HPSE2: variants seen among roughly 807,000 people sequenced by gnomAD.
The protein encoded by HPSE2 is heparanase 2 (inactive), also known as inactive heparanase-2.
HPSE2 carries 38 observed loss-of-function variants against 60.5 expected under a neutral mutation model. That is an observed-to-expected ratio of 0.63 (90% CI 0.48 to 0.82). HPSE2 has a LOEUF of 0.82. Ranked by LOEUF, HPSE2 falls within the 40% of genes least tolerant of loss-of-function variation. HPSE2 has a pLI of 0.00. For missense variants in HPSE2, 713 were observed against 740.4 expected (o/e 0.96, Z 0.43); for synonymous variants, 295 against 293.2 (o/e 1.01, Z -0.06).
chr10:98,720,551 A>C (rs1332767954), intron 5 of HPSE2, among the ~76,000 whole-genome samples: 2 of 152,180 alleles, frequency 1.3e-5, no homozygotes, highest in African/African-American at 2.4e-5. Context: ...TTCTGAAAAA[A>C]ATTTGGCAAC....
intron 3 of HPSE2, among the ~76,000 whole-genome samples, chr10:98,987,939 G>A (rs1378438057): frequency 6.6e-6 from 1 of 152,142 alleles, no homozygotes; most frequent in African/African-American, 2.4e-5. Context: ...ACTTACAAGG[G>A]ATGTGAAGCA....
chr10:98,748,476 C>T (rs1361999264), intron 3 of HPSE2, among the ~76,000 whole-genome samples: 2 of 152,090 alleles, frequency 1.3e-5, no homozygotes, highest in Non-Finnish European at 2.9e-5. Context: ...CTTTCTACTC[C>T]CTCCACCAGA....
At chr10:98,830,052 T>G (rs1185686394) in intron 3 of HPSE2, among the ~76,000 whole-genome samples, 1 of 152,228 alleles carries the variant, frequency 6.6e-6, no homozygotes, top group Admixed American at 6.5e-5. Flanking sequence ...TTTTTAAAGT[T>G]ACTTGTTTCT....
chr10:98,627,352 T>G lies in HPSE2; in HGVS notation c.1099-6644A>C, dbSNP rs149125088. On this transcript the variant is annotated intron_variant, in intron 7 of 11. Transcript: ENST00000370552. ...TTAGCCAATCATGGTGGCTTGTGCCTGTAGTCCCAGCTACTCAGGAGGCTG... is the reference window on the plus strand; with the variant it reads ...TTAGCCAATCATGGTGGCTTGTGCCGGTAGTCCCAGCTACTCAGGAGGCTG... 4.7e-3 allele frequency among the ~76,000 whole-genome samples: 718 copies of G among 152,266 alleles called. 3 individuals carry two copies. The highest frequency in any genetic ancestry group is 0.016 in the African/African-American group (684 of 41,554).
At chr10:98,867,940 T>C (rs909563301) in intron 3 of HPSE2, among the ~76,000 whole-genome samples, 1 of 151,952 alleles carries the variant, frequency 6.6e-6, no homozygotes, top group Non-Finnish European at 1.5e-5. Flanking sequence ...CAGATGCCTG[T>C]AATCCCAGGT....
the HPSE2 span, among the ~76,000 whole-genome samples, chr10:99,250,272 T>G: frequency 6.6e-6 from 1 of 152,228 alleles, no homozygotes; most frequent in East Asian, 1.9e-4. Context: ...CAACCATGCT[T>G]CCTGTACAGT....
chr10:98,880,121 T>C, intron 3 of HPSE2, among the ~76,000 whole-genome samples: 1 of 152,040 alleles, frequency 6.6e-6, no homozygotes, highest in Non-Finnish European at 1.5e-5. Context: ...TACTTAGAAT[T>C]ATGAATGTGA....
At chr10:98,898,921 T>G (rs570758997) in intron 3 of HPSE2, among the ~76,000 whole-genome samples, 120 of 152,346 alleles carry the variant, frequency 7.9e-4, no homozygotes, top group African/African-American at 2.9e-3. Flanking sequence ...CAAATTGTGC[T>G]GGAACATATG....
At chr10:98,477,649 T>C (rs1431533681) in intron 11 of HPSE2, among the ~76,000 whole-genome samples, 3 of 152,186 alleles carry the variant, frequency 2.0e-5, no homozygotes, top group Non-Finnish European at 4.4e-5. Context: ...GTCCTTTCGA[T>C]TTTAGATGTC....
intron 2 of HPSE2, among the ~76,000 whole-genome samples, chr10:99,230,843 A>C (rs917306625): frequency 6.6e-6 from 1 of 152,196 alleles, no homozygotes; most frequent in Non-Finnish European, 1.5e-5. Flanking sequence ...TTAATATCAG[A>C]AAAACCATTA....
intron 7 of HPSE2, among the ~76,000 whole-genome samples, chr10:98,626,465 T>TCAGA (rs1230738369): frequency 6.6e-6 from 1 of 152,140 alleles, no homozygotes; most frequent in Non-Finnish European, 1.5e-5. Flanking sequence ...TCTCAGAGGC[T>TCAGA]CAGAGTGCAA....
At chr10:98,726,488 G>A (rs1395819278) in intron 4 of HPSE2, among the ~76,000 whole-genome samples, 1 of 145,198 alleles carries the variant, frequency 6.9e-6, no homozygotes, top group African/African-American at 2.6e-5. Flanking sequence ...ACTGTTGTGG[G>A]GCAGGGGGAG....
chr10:99,011,773 A>AAG (rs1957022567), intron 3 of HPSE2, among the ~76,000 whole-genome samples: 1 of 151,374 alleles, frequency 6.6e-6, no homozygotes, highest in Non-Finnish European at 1.5e-5. Flanking sequence ...AAAAAAAAAA[A>AAG]ATGCTCTAAG....
At chr10:98,998,007 C>A (rs1486254676) in intron 3 of HPSE2, among the ~76,000 whole-genome samples, 1 of 152,234 alleles carries the variant, frequency 6.6e-6, no homozygotes, top group Non-Finnish European at 1.5e-5. Flanking sequence ...CCTTTTCCTT[C>A]CATTGGTGGC....
chr10:98,554,597 GT>G (rs1943953098), intron 9 of HPSE2, among the ~76,000 whole-genome samples: 1 of 152,160 alleles, frequency 6.6e-6, no homozygotes, highest in South Asian at 2.1e-4. Flanking sequence ...TTACTAAATA[GT>G]TGACTACACA....
intron 3 of HPSE2, among the ~76,000 whole-genome samples, chr10:98,830,332 G>T (rs2134649832): frequency 6.6e-6 from 1 of 152,256 alleles, no homozygotes; most frequent in East Asian, 1.9e-4. Flanking sequence ...AGAGGAGGAA[G>T]AAGAGGAAAA....
intron 3 of HPSE2, among the ~76,000 whole-genome samples, chr10:99,112,271 G>C (rs879350515): frequency 6.6e-6 from 1 of 152,008 alleles, no homozygotes; most frequent in African/African-American, 2.4e-5. Context: ...ACAGAGTCTC[G>C]CTCTGTCACC....
chr10:98,655,575 T>G (rs1207489690), intron 6 of HPSE2, among the ~76,000 whole-genome samples: 1 of 152,220 alleles, frequency 6.6e-6, no homozygotes, highest in Non-Finnish European at 1.5e-5. Context: ...ATTGTCAGTT[T>G]GTTTAGCTTT....
At chr10:98,570,550 C>G (rs1944466606) in intron 9 of HPSE2, among the ~76,000 whole-genome samples, 1 of 151,386 alleles carries the variant, frequency 6.6e-6, no homozygotes, top group Non-Finnish European at 1.5e-5. Flanking sequence ...GTATTTTTTC[C>G]CTTTTTTTGA....
Sources: gnomAD v4.1 joint callset for allele counts (sites outside exome capture counted in the v4.1 genomes callset) on GRCh38, gnomAD v4.1.1 for gene constraint, MANE v1.5 for transcripts, NCBI Gene and HGNC (gene_info 2026-07-23, HGNC 2026-07-21) for gene names.